Variants in KRT1 observed in about 807,000 individuals in gnomAD.
The protein encoded by KRT1 is keratin 1, also known as keratin, type II cytoskeletal 1.
KRT1 carries 28 observed loss-of-function variants against 51.6 expected under a neutral mutation model. The observed-to-expected ratio is 0.54, with a 90% confidence interval of 0.40 to 0.74. The LOEUF (loss-of-function observed/expected upper bound fraction) is 0.74, where lower values mean the gene tolerates loss of function less well. KRT1 is among the 30% of genes least tolerant of loss of function. KRT1 has a pLI of 0.00. For missense variants in KRT1, 783 were observed against 815.5 expected (o/e 0.96, Z 0.49); for synonymous variants, 301 against 307.7 (o/e 0.98, Z 0.23).
In KRT1 at chr12:52,678,619, G is replaced by A. The variant is rs201069649; in HGVS notation, c.729C>T (p.Asp243=). Residue 243 remains aspartate (D), a synonymous_variant, in exon 2 of 9, where the codon GAC becomes GAT. Coordinates refer to ENST00000252244, the MANE Select transcript of KRT1 (RefSeq NM_006121.4). ...ACCGAGATTGATCACTCTTCAGTTGGTCCACTCTCCTTCGGAGATTGTTGA... is the reference window on the plus strand; with the variant it reads ...ACCGAGATTGATCACTCTTCAGTTGATCCACTCTCCTTCGGAGATTGTTGA... ...SFINNLRRRV[D]QLKSDQSRLD... is the part of the protein sequence containing the mutation. 3.8e-5 allele frequency: 62 copies of A among 1,614,072 alleles called. No individual in the cohort carries two copies. Among genetic ancestry groups the A allele is most frequent in the Non-Finnish European group, 5.1e-5 (60 of 1,180,038 alleles).
Position 52,680,060 on chromosome 12 carries a change from C to T in KRT1, c.289G>A (p.Gly97Ser), listed in dbSNP as rs868799940. 1 of 1,555,350 alleles carries T rather than the reference C, an allele frequency of 6.4e-7. No homozygotes were observed. The highest frequency in any genetic ancestry group is 8.7e-7 in the Non-Finnish European group (1 of 1,149,154). Residue 97 changes from glycine to serine, a missense_variant, in exon 1 of 9, where the codon GGT (glycine) becomes AGT (serine). Gly to Ser is a moderately conservative substitution (Grantham distance 56, BLOSUM62 0). Transcript: ENST00000252244. The part of the protein sequence containing the change: ...GSGFGGGYGG[G>S]GFGGGGFGGG... ...CCAAAGCCACCACCACCAAAGCCAC[C>T]ACCACCATAACCACCACCAAAGCCA...
intron 1 of KRT1, 96 bp from the exon 2 acceptor site, chr12:52,678,852 C>A: frequency 5.7e-6 from 6 of 1,045,036 alleles, no homozygotes; most frequent in Non-Finnish European, 8.7e-6. Flanking sequence ...CAATTCCTAT[C>A]TTCTGACCAT....
rs1403458668 is a variant in KRT1, at chr12:52,679,966, C to T, written c.383G>A (p.Gly128Asp). Residue 128 changes from glycine (G) to aspartate (D), a missense_variant, in exon 1 of 9, where the codon GGT (glycine) becomes GAT (aspartate). Gly to Asp is a moderately conservative substitution (Grantham distance 94). Transcript: ENST00000252244. ...GFGGFGSGGG[G>D]FGGGGFGGGG... ...ACCCCCAAAGCCACCTCCACCAAAA[C>T]CACCACCACCACTGCCAAAACCACC... 6.2e-7 allele frequency: 1 copy of T among 1,610,420 alleles called. No individual in the cohort carries two copies. Among genetic ancestry groups the T allele is most frequent in the East Asian group, 2.2e-5 (1 of 44,820 alleles).
chr12:52,677,184 A>G lies in KRT1; in HGVS notation c.1129T>C (p.Tyr377His). The G allele has an allele frequency of 6.2e-7, 1 of 1,614,222 alleles. No individual in the cohort carries two copies. The highest frequency in any genetic ancestry group is 8.5e-7 in the Non-Finnish European group (1 of 1,180,038). Residue 377 changes from tyrosine to histidine, a missense_variant and splice_region_variant, in exon 6 of 9, where the codon TAT (tyrosine) becomes CAT (histidine). Transcript: ENST00000252244. ...CCAGCAGTGATCTGCAGCTCTTCAT[A>G]CTAAAGATGGTAGATAGCGTTTGTT... Reference protein sequence around the residue: ...AEAESLYQSKYEELQITAGRH... With the variant: ...AEAESLYQSKHEELQITAGRH...
At chr12:52,679,462 A>T (rs1941554261) in intron 1 of KRT1, among the ~76,000 whole-genome samples, 1 of 152,146 alleles carries the variant, frequency 6.6e-6, no homozygotes, top group Non-Finnish European at 1.5e-5. Flanking sequence ...CATTTCTATT[A>T]TCTTCATTCA....
rs933237964 is a variant in KRT1 at position 52,677,590 on chromosome 12, G to A, written c.963+60C>T. ...TAAATATCTATTCTTCTGAATCGTT[G>A]TGGGTTCAGGCTTAAAAACTCTCCA... On this transcript the variant is annotated intron_variant, in intron 4 of 8. Transcript: ENST00000252244. 5 of 1,602,044 alleles carry A rather than the reference G, an allele frequency of 3.1e-6. No homozygotes were observed. The African/African-American group carries it at 5.4e-5, about 17-fold the overall frequency.
rs1401303658 is a variant in KRT1, at chr12:52,676,298, G to T, written c.1452C>A (p.Thr484=). 3 of 1,614,040 alleles carry T rather than the reference G, an allele frequency of 1.9e-6. No individual in the cohort carries two copies. In the Admixed American group the frequency reaches 5.0e-5, roughly 27 times the overall value. ...ALDLEIATYR[T]LLEGEESRMS... is the part of the protein sequence containing the mutation. ...ACCTGCTTTCTTCTCCCTCCAGGAG[G>T]GTCCTGTAGGTGGCAATCTCCAGAT... The change falls in exon 7 of 9, where the codon ACC becomes ACA. Residue 484 remains threonine (T), a synonymous_variant. Transcript: ENST00000252244.
chr12:52,675,675 C>T (rs1419085315), intron 8 of KRT1, 35 bp downstream of exon 8: 2 of 1,614,244 alleles, frequency 1.2e-6, no homozygotes, highest in Non-Finnish European at 1.7e-6. Context: ...CCAACAAAGC[C>T]TGCACATGCC....
In KRT1 at chr12:52,676,504, G is replaced by T. The variant is rs370239641; in HGVS notation, c.1255-9C>A. 9 of 1,613,816 alleles carry T rather than the reference G, an allele frequency of 5.6e-6. No homozygotes were observed. In the African/African-American group the frequency reaches 6.7e-5, roughly 12 times the overall value. On this transcript the variant is annotated splice_polypyrimidine_tract_variant and intron_variant, in intron 6 of 8. Transcript: ENST00000252244. ...TGCTGCAAGTTGGAGATCTGAAAAA[G>T]AATATGACACCCTCTCATAATATGC...
At chr12:52,679,564 C>T (rs533479265) in intron 1 of KRT1, among the ~76,000 whole-genome samples, 194 bp downstream of exon 1, 1 of 152,310 alleles carries the variant, frequency 6.6e-6, no homozygotes, top group African/African-American at 2.4e-5. Context: ...GACCACGAAC[C>T]CTTTGTCAAA....
At chr12:52,676,617 C>A in intron 6 of KRT1, 122 bp from the exon 7 acceptor site, 1 of 895,140 alleles carries the variant, frequency 1.1e-6, no homozygotes, top group South Asian at 1.4e-5. Context: ...GGCCTTAAGT[C>A]ATCTCACACC....
Position 52,678,237 on chromosome 12 carries a change from G to A in KRT1, c.807-14C>T. On this transcript the variant is annotated splice_polypyrimidine_tract_variant and intron_variant, in intron 2 of 8. Transcript: ENST00000252244. ...TCATCCTCATACCTGCAGGAAAGCAGAAACAATTAGGAGATTCAGAGGTGG... is the reference window on the plus strand; with the variant it reads ...TCATCCTCATACCTGCAGGAAAGCAAAAACAATTAGGAGATTCAGAGGTGG... 1 of 1,613,710 alleles carries A rather than the reference G, an allele frequency of 6.2e-7. No homozygotes were observed. Among genetic ancestry groups the A allele is most frequent in the Admixed American group, 1.7e-5 (1 of 60,024 alleles).
intron 1 of KRT1, 89 bp from the exon 2 acceptor site, chr12:52,678,845 T>C (rs1184455237): frequency 9.1e-7 from 1 of 1,101,134 alleles, no homozygotes; most frequent in East Asian, 2.5e-5. Context: ...AGAACCTCAA[T>C]TCCTATCTTC....
chr12:52,679,980 G>A lies in KRT1; in HGVS notation c.369C>T (p.Gly123=). 1 of 1,599,712 alleles carries A rather than the reference G, an allele frequency of 6.3e-7. No individual in the cohort carries two copies. The part of the protein sequence containing the change: ...GIGGGGFGGF[G]SGGGGFGGGG... ...CTCCACCAAAACCACCACCACCACT[G>A]CCAAAACCACCAAAGCCACCACCCC... The change falls in exon 1 of 9, where the codon GGC becomes GGT. Residue 123 remains glycine (G), a synonymous_variant. Transcript: ENST00000252244.
chr12:52,675,238 G>T lies in KRT1; in HGVS notation c.1890C>A (p.Ser630=), dbSNP rs780806002. ...AAGTGGTAGAAACAAACTTCACGCT[G>T]GAACTGCCACCAGAGGACTTGACAC... ...SGGVKSSGGS[S]SVKFVSTTYS... Residue 630 remains serine, a synonymous_variant, in exon 9 of 9, where the codon TCC becomes TCA. Transcript: ENST00000252244. The T allele has an allele frequency of 6.2e-7, 1 of 1,613,948 alleles. No homozygotes were observed.
chr12:52,677,271 G>A, intron 5 of KRT1, 45 bp downstream of exon 5: 1 of 1,614,172 alleles, frequency 6.2e-7, no homozygotes, highest in Non-Finnish European at 8.5e-7. Flanking sequence ...AGGATAGCAA[G>A]ACAAGCCATT....
chr12:52,676,058 C>T (rs1941498140), intron 7 of KRT1, among the ~76,000 whole-genome samples: 1 of 152,212 alleles, frequency 6.6e-6, no homozygotes, highest in Non-Finnish European at 1.5e-5. Context: ...CACCTCAAAG[C>T]TCTTTCTAGA....
At position 52,675,488 on chromosome 12, in the gene KRT1, C is replaced by T. The variant is rs1336788276; in HGVS notation, c.1640G>A (p.Gly547Asp). ...TCCGGAGCCATAGCTGCCACGGCCG[C>T]CGCCGCCGCCACCTCCAGAACCATA... is the stretch of plus-strand genomic sequence containing the variant. ...GSYGSGGGGG[G>D]GRGSYGSGGS... The change falls in exon 9 of 9, where the codon GGC (glycine) becomes GAC (aspartate). Residue 547 changes from glycine (G) to aspartate (D), a missense_variant. Coordinates refer to ENST00000252244, the MANE Select transcript of KRT1 (RefSeq NM_006121.4). 2 of 1,545,638 alleles carry T rather than the reference C, an allele frequency of 1.3e-6. No homozygotes were observed. Among genetic ancestry groups the T allele is most frequent in the South Asian group, 2.3e-5 (2 of 85,520 alleles).
intron 7 of KRT1, among the ~76,000 whole-genome samples, chr12:52,676,064 C>T (rs1941498205): frequency 6.6e-6 from 1 of 152,216 alleles, no homozygotes; most frequent in African/African-American, 2.4e-5. Flanking sequence ...AAAGCTCTTT[C>T]TAGATATGTT....
Sources: gnomAD v4.1 joint callset for allele counts (sites outside exome capture counted in the v4.1 genomes callset) on GRCh38, gnomAD v4.1.1 for gene constraint, MANE v1.5 for transcripts, NCBI Gene and HGNC (gene_info 2026-07-23, HGNC 2026-07-21) for gene names.